Variants in P4HA3 observed in about 807,000 individuals in gnomAD.
P4HA3 encodes prolyl 4-hydroxylase subunit alpha-3.
P4HA3 carries 60 observed loss-of-function variants against 66.7 expected under a neutral mutation model. The observed-to-expected ratio is 0.90, with a 90% CI of 0.73 to 1.12. The LOEUF (loss-of-function observed/expected upper bound fraction) is 1.12. Ranked by LOEUF, P4HA3 falls within the 50% of genes most tolerant of loss-of-function variation. P4HA3 has a pLI of 0.00. For synonymous variants in P4HA3, 263 were observed against 274.6 expected (o/e 0.96, Z 0.42); for missense variants, 683 against 685.8 (o/e 1.00, Z 0.05).
chr11:74,259,339 T>C (rs1315951299), intron 15 of P4HA3, among the ~76,000 whole-genome samples: 1 of 152,112 alleles, frequency 6.6e-6, no homozygotes, highest in Non-Finnish European at 1.5e-5. Flanking sequence ...AGATCATGCA[T>C]GCCACTGCAC....
intron 15 of P4HA3, chr11:74,250,834 A>C (rs187267930): frequency 1.3e-6 from 1 of 757,404 alleles, no homozygotes; most frequent in Non-Finnish European, 2.3e-6. Flanking sequence ...TTGGGTCCAG[A>C]GTATTGAGGT....
intron 3 of P4HA3, among the ~76,000 whole-genome samples, chr11:74,301,752 G>C (rs1005615424): frequency 6.6e-5 from 10 of 151,244 alleles, no homozygotes; most frequent in African/African-American, 2.4e-4. Flanking sequence ...TACCTCAGAT[G>C]GGGGGCGGGG....
chr11:74,268,003 C>A (rs1310671342), intron 12 of P4HA3, 142 bp downstream of exon 12: 1 of 739,774 alleles, frequency 1.4e-6, no homozygotes, highest in Admixed American at 2.3e-5. Context: ...GCACCTCATT[C>A]ATAATCTGAT....
intron 7 of P4HA3, among the ~76,000 whole-genome samples, chr11:74,284,433 G>A (rs903023476): frequency 1.2e-4 from 18 of 152,126 alleles, no homozygotes; most frequent in African/African-American, 4.3e-4. Context: ...CATGAGACTG[G>A]CAATGTCCCA....
chr11:74,283,638 T>C (rs889214591), intron 7 of P4HA3, among the ~76,000 whole-genome samples: 4 of 152,218 alleles, frequency 2.6e-5, no homozygotes, highest in African/African-American at 7.2e-5. Context: ...TCTAGCTTCA[T>C]TTCCTATCAC....
chr11:74,296,882 T>C (rs938782432), intron 4 of P4HA3, among the ~76,000 whole-genome samples: 112 of 152,272 alleles, frequency 7.4e-4, no homozygotes, highest in African/African-American at 2.5e-3. Context: ...CACACAGCAA[T>C]TTAGCAGGAG....
chr11:74,280,447 A>C (rs1282516607), intron 7 of P4HA3, among the ~76,000 whole-genome samples: 1 of 152,168 alleles, frequency 6.6e-6, no homozygotes, highest in Non-Finnish European at 1.5e-5. Flanking sequence ...GGAATGAGCC[A>C]CCATACCGGG....
At chr11:74,304,217 C>T (rs1034843487) in intron 2 of P4HA3, 53 bp downstream of exon 2, 17 of 1,589,664 alleles carry the variant, frequency 1.1e-5, no homozygotes, top group South Asian at 2.2e-5. Context: ...TCCTTACCAC[C>T]GAGTCAGGAG....
intron 2 of P4HA3, among the ~76,000 whole-genome samples, chr11:74,303,450 C>G (rs1329178965): frequency 6.6e-6 from 1 of 151,620 alleles, no homozygotes; most frequent in Non-Finnish European, 1.5e-5. Flanking sequence ...CCATGCCTGG[C>G]TAATTTTTGT....
At chr11:74,271,348 T>G (rs1036417765) in intron 10 of P4HA3, among the ~76,000 whole-genome samples, 6 of 152,198 alleles carry the variant, frequency 3.9e-5, no homozygotes, top group Non-Finnish European at 7.3e-5. Flanking sequence ...TGGACTTTCC[T>G]GCATTCTTTT....
In P4HA3 at chr11:74,277,654, A is replaced by G. The variant is rs545339370; in HGVS notation, c.1176-510T>C. Among the ~76,000 whole-genome samples, 55 of 152,376 alleles carry G rather than the reference A, an allele frequency of 3.6e-4. No homozygotes were observed. The East Asian group carries it at 0.01, about 29-fold the overall frequency. On this transcript the variant is annotated intron_variant, in intron 8 of 12. Transcript: ENST00000331597. ...TATGAAGACACTTTGTGAACTATACATTAGTGTTACTTTTAAACACAGGAA... is the reference window on the plus strand; with the variant it reads ...TATGAAGACACTTTGTGAACTATACGTTAGTGTTACTTTTAAACACAGGAA...
At chr11:74,267,393 A>G (rs988126119) in intron 12 of P4HA3, 75 bp from the exon 13 acceptor site, 6 of 1,555,064 alleles carry the variant, frequency 3.9e-6, no homozygotes, top group Non-Finnish European at 5.2e-6. Flanking sequence ...ACTGGTGCGC[A>G]CTCATAGGCG....
At chr11:74,275,096 G>A (rs57858196) in intron 9 of P4HA3, among the ~76,000 whole-genome samples, 6,056 of 152,182 alleles carry the variant, frequency 0.04, 126 homozygotes, top group Middle Eastern at 0.11. Flanking sequence ...CCAAATATAT[G>A]ATTTGCAAAT....
intron 15 of P4HA3, chr11:74,253,781 T>C: frequency 1.8e-6 from 1 of 564,100 alleles, no homozygotes; most frequent in African/African-American, 1.9e-5. Flanking sequence ...CTGCTCTCCC[T>C]GCGTTGCCTA....
rs867778639 is a variant in P4HA3, at chr11:74,311,430, C to T, written c.182G>A (p.Arg61Gln). 1.3e-6 allele frequency: 2 copies of T among 1,531,730 alleles called. No homozygotes were observed. The highest frequency in any genetic ancestry group is 1.7e-6 in the Non-Finnish European group (2 of 1,146,742). The allele number at this position is 1,531,730 out of a possible 1,614,324, so 94.9% of individuals were successfully genotyped here. ...LRRYLRGEEA[R>Q]LRDLTRFYDK... ...CCCTCACCTAGTCAGGTCCCGCAGCCGCGCCTCCTCCCCGCGCAGGTACCG... is the reference window on the plus strand; with the variant it reads ...CCCTCACCTAGTCAGGTCCCGCAGCTGCGCCTCCTCCCCGCGCAGGTACCG... The change falls in exon 1 of 13, where the codon CGG (arginine) becomes CAG (glutamine). Residue 61 changes from arginine (R) to glutamine (Q), a missense_variant. Arg to Gln is a conservative substitution (Grantham distance 43). Transcript: ENST00000331597.
At chr11:74,251,082 G>A in intron 15 of P4HA3, 1 of 1,546,686 alleles carries the variant, frequency 6.5e-7, no homozygotes, top group Non-Finnish European at 8.8e-7. Flanking sequence ...TGTCACAGAA[G>A]ACAAGTCTCT....
At chr11:74,250,847 G>C in intron 15 of P4HA3, 1 of 873,696 alleles carries the variant, frequency 1.1e-6, no homozygotes, top group African/African-American at 1.7e-5. Flanking sequence ...ATTGAGGTGA[G>C]GTTGGAAATG....
At chr11:74,309,999 C>T (rs561970056) in intron 1 of P4HA3, among the ~76,000 whole-genome samples, 1 of 152,354 alleles carries the variant, frequency 6.6e-6, no homozygotes, top group Non-Finnish European at 1.5e-5. Context: ...ATTCCACATA[C>T]CTTCTTCTCA....
rs375800750 is a variant in P4HA3 at position 74,273,592 on chromosome 11, G to A, written c.1351C>T (p.Leu451Phe). Reference protein sequence around the residue: ...FDHATSPSSPLYRMKSGNRVA... With the variant: ...FDHATSPSSPFYRMKSGNRVA... ...CGGTTTCCTGACTTCATTCTGTAGA[G>A]GGGGCTGCTTGGTGACTGAGAAAAA... The change falls in exon 10 of 13, where the codon CTC (leucine) becomes TTC (phenylalanine). Residue 451 changes from leucine (L) to phenylalanine (F), a missense_variant. By Grantham distance (22) the Leu-to-Phe change is conservative. Transcript: ENST00000331597. The A allele has an allele frequency of 2.6e-6, 4 of 1,567,924 alleles. No homozygotes were observed. The highest frequency in any genetic ancestry group is 3.4e-6 in the Non-Finnish European group (4 of 1,161,330).
Sources: allele counts gnomAD v4.1 joint callset (sites outside exome capture counted in the v4.1 genomes callset), GRCh38; gene constraint gnomAD v4.1.1; transcripts MANE v1.5; gene names NCBI Gene and HGNC (gene_info 2026-07-23, HGNC 2026-07-21).